The following UNC13B variants were observed in gnomAD, a reference collection of about 807,000 sequenced individuals.
UNC13B encodes the protein protein unc-13 homolog B.
Under a neutral mutation model 211.0 loss-of-function variants are expected in UNC13B, and 144 were observed. The observed-to-expected ratio is 0.68, with a 90% CI of 0.60 to 0.78. UNC13B has a LOEUF of 0.78. Among genes scored for constraint, UNC13B ranks in the 30% least tolerant of loss-of-function variants. The pLI, the probability that UNC13B is intolerant of heterozygous loss-of-function variation, is 0.00. For missense variants in UNC13B, 1,777 were observed against 2,002.0 expected, an observed-to-expected ratio of 0.89 and a Z score of 2.14; for synonymous variants, 709 against 725.8, an observed-to-expected ratio of 0.98 and a Z score of 0.37.
chr9:35,363,125 T>G (rs1587701762), intron 11 of UNC13B, among the ~76,000 whole-genome samples: 1 of 152,100 alleles, frequency 6.6e-6, no homozygotes, highest in Non-Finnish European at 1.5e-5. Flanking sequence ...ATTGTAGGAA[T>G]GTATATGGGG....
intron 11 of UNC13B, among the ~76,000 whole-genome samples, chr9:35,359,280 C>T (rs1469741887): frequency 6.6e-6 from 1 of 151,868 alleles, no homozygotes; most frequent in Non-Finnish European, 1.5e-5. Context: ...TCTTGGTTTC[C>T]TCCTCTCCCC....
chr9:35,222,184 TA>T (rs200433095), intron 1 of UNC13B, among the ~76,000 whole-genome samples: 2 of 151,150 alleles, frequency 1.3e-5, no homozygotes, highest in Admixed American at 6.6e-5. Context: ...TGTCAGTATC[TA>T]AAAAAAAATG....
At chr9:35,398,800 G>T in intron 32 of UNC13B, 82 bp from the exon 33 acceptor site, 1 of 1,579,286 alleles carries the variant, frequency 6.3e-7, no homozygotes, top group Non-Finnish European at 8.6e-7. Context: ...GAGCATATGG[G>T]AATGGGACCA....
chr9:35,353,557 C>T, intron 11 of UNC13B: 1 of 1,232,144 alleles, frequency 8.1e-7, no homozygotes, highest in Non-Finnish European at 1.0e-6. Context: ...CAAGCACCTT[C>T]TCTCTTGCTT....
chr9:35,338,342 T>C (rs1285405154), intron 11 of UNC13B, among the ~76,000 whole-genome samples: 3 of 152,170 alleles, frequency 2.0e-5, no homozygotes, highest in African/African-American at 7.2e-5. Context: ...TTATGACTCT[T>C]AGGGCCTGCC....
Position 35,300,491 on chromosome 9 carries a change from AAT to A in UNC13B, c.1088_1089del (p.Asn363IlefsTer8). On this transcript the variant is annotated frameshift_variant, in exon 9 of 40. Coordinates refer to ENST00000635942, the MANE Select transcript of UNC13B (RefSeq NM_001371189.2). LOFTEE classifies it high-confidence loss of function. ...KSSGSNQHVT[N>X]FTSLDILEDS... Reference sequence around the variant, plus strand: ...ATCTGGCTCAAACCAGCATGTCACTAATTTTACCTCATTAGATATTCTTGAAG... The same window carrying A: ...ATCTGGCTCAAACCAGCATGTCACTATTTACCTCATTAGATATTCTTGAAG... 1 of 398,994 alleles carries A rather than the reference AAT, an allele frequency of 2.5e-6. No homozygotes were observed. Among genetic ancestry groups the A allele is most frequent in the South Asian group, 1.3e-4 (1 of 7,862 alleles). 24.7% of individuals were successfully genotyped at this position (398,994 alleles called of 1,614,324 possible).
At chr9:35,341,543 A>AG (rs1363880450) in intron 11 of UNC13B, among the ~76,000 whole-genome samples, 1 of 152,142 alleles carries the variant, frequency 6.6e-6, no homozygotes, top group Non-Finnish European at 1.5e-5. Flanking sequence ...CTTCCCTCTG[A>AG]GACTAGGAGC....
Position 35,306,083 on chromosome 9 carries a change from G to A in UNC13B, c.6679G>A (p.Glu2227Lys). Residue 2227 changes from glutamate (E) to lysine (K), a missense_variant, in exon 9 of 40, where the codon GAG becomes AAG. Glu to Lys is a moderately conservative substitution (Grantham distance 56). Coordinates refer to ENST00000635942, the MANE Select transcript of UNC13B (RefSeq NM_001371189.2). ...FSLSFLDQKK[E>K]TSGEKQSIST... ...CTTGTCCTTTTTGGATCAAAAAAAG[G>A]AGACCTCTGGGGAAAAACAAAGCAT... The A allele has an allele frequency of 2.5e-6, 1 of 398,990 alleles. No homozygotes were observed. 24.7% of individuals were successfully genotyped at this position (398,990 alleles called of 1,614,324 possible). A position where few individuals can be genotyped will look rare whatever the true frequency, so the allele number is the denominator to read the frequency against.
chr9:35,239,411 A>T (rs1011870135), intron 5 of UNC13B, among the ~76,000 whole-genome samples: 2 of 152,174 alleles, frequency 1.3e-5, no homozygotes, highest in Admixed American at 6.5e-5. Flanking sequence ...GTGTACGAAT[A>T]GGGTGTGGGT....
chr9:35,310,912 A>C, intron 10 of UNC13B, 131 bp downstream of exon 10: 1 of 776,806 alleles, frequency 1.3e-6, no homozygotes, highest in Non-Finnish European at 2.0e-6. Flanking sequence ...TCCAGGCTCA[A>C]CTCTGTATTG....
chr9:35,184,361 C>T (rs1822208478), intron 1 of UNC13B, among the ~76,000 whole-genome samples: 1 of 152,180 alleles, frequency 6.6e-6, no homozygotes. Flanking sequence ...AGGCAGGCGG[C>T]TGGAAGGTGG....
At chr9:35,241,174 T>C (rs1451172680) in intron 5 of UNC13B, among the ~76,000 whole-genome samples, 2 of 152,156 alleles carry the variant, frequency 1.3e-5, no homozygotes, top group Non-Finnish European at 2.9e-5. Flanking sequence ...TTTCAGTCCT[T>C]TGAGGCAGGC....
At chr9:35,189,830 C>T (rs576556207) in intron 1 of UNC13B, among the ~76,000 whole-genome samples, 19 of 152,228 alleles carry the variant, frequency 1.2e-4, no homozygotes, top group African/African-American at 1.7e-4. Flanking sequence ...CCACCACACC[C>T]GGATAATTTT....
chr9:35,222,110 T>G (rs553802670), intron 1 of UNC13B, among the ~76,000 whole-genome samples: 2 of 152,252 alleles, frequency 1.3e-5, no homozygotes, highest in Admixed American at 6.5e-5. Flanking sequence ...ACACCCTTTT[T>G]CCCCCAAAAT....
intron 11 of UNC13B, among the ~76,000 whole-genome samples, chr9:35,336,559 T>C (rs1230002482): frequency 6.6e-6 from 1 of 152,184 alleles, no homozygotes; most frequent in Non-Finnish European, 1.5e-5. Context: ...TGCAGTGGTG[T>C]GATCATGGCT....
At chr9:35,270,403 T>TATACACACATGTGTATATACACACAC (rs1827810820) in intron 7 of UNC13B, among the ~76,000 whole-genome samples, 1 of 152,126 alleles carries the variant, frequency 6.6e-6, no homozygotes, top group Non-Finnish European at 1.5e-5. Context: ...TATACACATA[T>TATACACACATGTGTATATACACACAC]ATACACACAT....
At chr9:35,174,920 G>A (rs1330041587) in intron 1 of UNC13B, among the ~76,000 whole-genome samples, 2 of 151,796 alleles carry the variant, frequency 1.3e-5, no homozygotes, top group Non-Finnish European at 2.9e-5. Context: ...TGATCCACAC[G>A]CCTCAGCCTC....
In UNC13B at chr9:35,295,802, T is replaced by C; in HGVS notation, c.633T>C (p.Ala211=). 6.2e-7 allele frequency: 1 copy of C among 1,614,102 alleles called. No homozygotes were observed. The highest frequency in any genetic ancestry group is 8.5e-7 in the Non-Finnish European group (1 of 1,180,012). ...PPYHTASQPN[A]SVHQFPVPVR... ...ACCATACAGCTTCCCAGCCCAACGC[T>C]TCTGTGCACCAGTTCCCTGTGCCGG... Residue 211 remains alanine, a synonymous_variant, in exon 8 of 40, where the codon GCT becomes GCC. Coordinates refer to ENST00000635942, the MANE Select transcript of UNC13B (RefSeq NM_001371189.2).
chr9:35,185,945 C>A (rs1401156654), intron 1 of UNC13B, among the ~76,000 whole-genome samples: 10 of 150,048 alleles, frequency 6.7e-5, no homozygotes, highest in Non-Finnish European at 1.0e-4. Flanking sequence ...AAAAAAAAAA[C>A]AACACAGTAA....
Sources: allele counts gnomAD v4.1 joint callset (sites outside exome capture counted in the v4.1 genomes callset), GRCh38; gene constraint gnomAD v4.1.1; transcripts MANE v1.5; gene names NCBI Gene and HGNC (gene_info 2026-07-23, HGNC 2026-07-21).